COBL: variants seen among roughly 807,000 people sequenced by gnomAD.
The protein encoded by COBL is protein cordon-bleu.
In COBL, 51 loss-of-function variants were observed where a neutral mutation model predicts 98.8. The observed-to-expected ratio is 0.52, with a 90% CI of 0.41 to 0.65. The LOEUF (loss-of-function observed/expected upper bound fraction) is 0.65. Among genes scored for constraint, COBL ranks in the 30% least tolerant of loss-of-function variants. The pLI is 0.00. For missense variants in COBL, 1,617 were observed against 1,617.5 expected, an observed-to-expected ratio of 1.00 and a Z score of 0.01; for synonymous variants, 634 against 651.7, an observed-to-expected ratio of 0.97 and a Z score of 0.41.
At chr7:51,239,534 C>T (rs952031604) in intron 1 of COBL, among the ~76,000 whole-genome samples, 1 of 152,140 alleles carries the variant, frequency 6.6e-6, no homozygotes, top group Non-Finnish European at 1.5e-5. Flanking sequence ...ATAAAAATGG[C>T]CAACCAGGAC....
intron 6 of COBL, among the ~76,000 whole-genome samples, chr7:51,126,900 G>A (rs946533770): frequency 1.3e-5 from 2 of 152,118 alleles, no homozygotes; most frequent in Non-Finnish European, 2.9e-5. Context: ...AAAGACAATG[G>A]CCCATTCGTC....
chr7:51,137,465 C>A (rs1799345151), intron 5 of COBL, among the ~76,000 whole-genome samples: 1 of 151,966 alleles, frequency 6.6e-6, no homozygotes, highest in Non-Finnish European at 1.5e-5. Context: ...TGGGTGTGGT[C>A]ATGCTCACCT....
chr7:51,058,690 A>C (rs2128907393), intron 7 of COBL, among the ~76,000 whole-genome samples: 1 of 152,342 alleles, frequency 6.6e-6, no homozygotes, highest in East Asian at 1.9e-4. Context: ...AACGGGGATA[A>C]GAATAACAGT....
Position 51,117,465 on chromosome 7 carries a change from T to C in COBL, c.957+18693A>G, listed in dbSNP as rs118132974. ...TTTCAACTTCACTGCCTTTTTCTTT[T>C]GTTACCTTCATTCTGTTGTTGGGCC... On this transcript the variant is annotated intron_variant, in intron 6 of 12. Coordinates refer to ENST00000265136, the MANE Select transcript of COBL (RefSeq NM_015198.5). Among the ~76,000 whole-genome samples, 1,224 of 152,282 alleles carry C rather than the reference T, an allele frequency of 8.0e-3. 9 individuals are homozygous for C. The highest frequency in any genetic ancestry group is 0.028 in the South Asian group (136 of 4,824).
chr7:51,055,888 G>A (rs1239045068), intron 7 of COBL, among the ~76,000 whole-genome samples: 1 of 152,194 alleles, frequency 6.6e-6, no homozygotes, highest in African/African-American at 2.4e-5. Flanking sequence ...TGGAGTTAAC[G>A]GACGACCAGT....
At chr7:51,115,927 A>C (rs1464248435) in intron 6 of COBL, among the ~76,000 whole-genome samples, 1 of 152,086 alleles carries the variant, frequency 6.6e-6, no homozygotes, top group Non-Finnish European at 1.5e-5. Context: ...ATGAGTATGA[A>C]ATCTTCCTGA....
chr7:51,261,893 A>C (rs1797753508), intron 1 of COBL, among the ~76,000 whole-genome samples: 1 of 152,208 alleles, frequency 6.6e-6, no homozygotes, highest in Non-Finnish European at 1.5e-5. Context: ...GGTTGCAGTG[A>C]GCCAAGATCA....
At chr7:51,261,271 C>T (rs1293728636) in intron 1 of COBL, among the ~76,000 whole-genome samples, 1 of 152,138 alleles carries the variant, frequency 6.6e-6, no homozygotes, top group Non-Finnish European at 1.5e-5. Context: ...AAACTGCAGC[C>T]CTTGCAACTC....
At chr7:51,113,402 G>T (rs1583838020) in intron 6 of COBL, among the ~76,000 whole-genome samples, 1 of 152,138 alleles carries the variant, frequency 6.6e-6, no homozygotes, top group African/African-American at 2.4e-5. Flanking sequence ...TGTCCATTAA[G>T]AAATCTGACT....
At chr7:51,106,267 G>A (rs1294435850) in intron 6 of COBL, among the ~76,000 whole-genome samples, 2 of 150,840 alleles carry the variant, frequency 1.3e-5, no homozygotes, top group Non-Finnish European at 2.9e-5. Context: ...TGGGGATTCT[G>A]AACCTTACAT....
At chr7:51,206,529 T>G (rs801135) in intron 2 of COBL, among the ~76,000 whole-genome samples, 11,691 of 151,508 alleles carry the variant, frequency 0.077, 599 homozygotes, top group East Asian at 0.27. Flanking sequence ...AATCAGAATT[T>G]TTAAGAGATA....
chr7:51,116,906 G>T (rs961769317), intron 6 of COBL, among the ~76,000 whole-genome samples: 5 of 152,034 alleles, frequency 3.3e-5, no homozygotes, highest in Non-Finnish European at 7.4e-5. Context: ...TACTGTTTCT[G>T]ATGATAAAGT....
intron 1 of COBL, among the ~76,000 whole-genome samples, chr7:51,275,822 G>T (rs148429878): frequency 3.9e-5 from 6 of 152,236 alleles, no homozygotes; most frequent in African/African-American, 1.4e-4. Flanking sequence ...TCTCCATGCT[G>T]ATTGATGAGA....
In COBL at chr7:51,028,830, C is replaced by A. The variant is rs768892179; in HGVS notation, c.2266G>T (p.Val756Leu). 1 of 1,614,250 alleles carries A rather than the reference C, an allele frequency of 6.2e-7. No homozygotes were observed. Among genetic ancestry groups the A allele is most frequent in the Non-Finnish European group, 8.5e-7 (1 of 1,180,050 alleles). Residue 756 changes from valine to leucine, a missense_variant, in exon 10 of 13, where the codon GTG (valine) becomes TTG (leucine). This residue lies in a region of COBL where 1,304 missense variants were observed against 1,282.0 expected (regional missense o/e 1.02). Transcript: ENST00000265136. The part of the protein sequence containing the change: ...GIRIISLSSS[V>L]PEAESQPIGK... ...ATGGGCTGAGATTCTGCTTCAGGCA[C>A]AGACGAAGACAGGGAAATGATCCTG...
intron 6 of COBL, among the ~76,000 whole-genome samples, chr7:51,093,941 G>A (rs1364979276): frequency 6.6e-6 from 1 of 150,418 alleles, no homozygotes; most frequent in East Asian, 1.9e-4. Context: ...ATTACCCTAA[G>A]TGGCAATCAA....
chr7:51,094,517 A>G (rs1245284434), intron 6 of COBL, among the ~76,000 whole-genome samples: 2 of 152,146 alleles, frequency 1.3e-5, no homozygotes, highest in African/African-American at 4.8e-5. Flanking sequence ...AATTAAAAGT[A>G]AATAAATTTT....
chr7:51,020,737 C>T (rs1271035888), intron 12 of COBL, among the ~76,000 whole-genome samples: 1 of 152,178 alleles, frequency 6.6e-6, no homozygotes, highest in Non-Finnish European at 1.5e-5. Flanking sequence ...TGCAGCCGAG[C>T]TGCAAATGCT....
intron 6 of COBL, among the ~76,000 whole-genome samples, chr7:51,111,895 T>C (rs1038528306): frequency 2.6e-5 from 4 of 152,192 alleles, no homozygotes; most frequent in Non-Finnish European, 4.4e-5. Context: ...GTGTACATAA[T>C]GCGATTTATT....
intron 1 of COBL, among the ~76,000 whole-genome samples, chr7:51,273,841 G>A (rs61641151): frequency 0.014 from 2,193 of 152,190 alleles, 44 homozygotes; most frequent in African/African-American, 0.05. Flanking sequence ...GAATGCCAAC[G>A]CCTCATAAAA....
Sources: allele counts gnomAD v4.1 joint callset (sites outside exome capture counted in the v4.1 genomes callset), GRCh38; gene constraint gnomAD v4.1.1; regional missense constraint gnomAD v4.1.1; transcripts MANE v1.5; gene names NCBI Gene and HGNC (gene_info 2026-07-23, HGNC 2026-07-21).